Variants in TAF3 observed in about 807,000 individuals in gnomAD.
TAF3 encodes transcription initiation factor TFIID subunit 3.
In TAF3, 7 loss-of-function variants were observed where a neutral mutation model predicts 80.6. That is an observed-to-expected ratio of 0.09 (90% CI 0.05 to 0.16). The LOEUF (loss-of-function observed/expected upper bound fraction) is 0.16, where lower values mean the gene tolerates loss of function less well. Ranked by LOEUF, TAF3 falls within the 10% of genes least tolerant of loss-of-function variation. The pLI is 1.00. For missense variants in TAF3, 921 were observed against 1,140.2 expected, an observed-to-expected ratio of 0.81 and a Z score of 2.77; for synonymous variants, 444 against 446.1, an observed-to-expected ratio of 1.00 and a Z score of 0.06.
intron 4 of TAF3, among the ~76,000 whole-genome samples, chr10:7,980,031 C>T (rs893556786): frequency 1.4e-4 from 22 of 152,228 alleles, no homozygotes; most frequent in African/African-American, 5.3e-4. Flanking sequence ...TGATACATGG[C>T]TTAGTCCATG....
intron 4 of TAF3, among the ~76,000 whole-genome samples, chr10:7,982,447 G>A (rs927535069): frequency 1.3e-5 from 2 of 151,928 alleles, no homozygotes; most frequent in African/African-American, 2.4e-5. Flanking sequence ...TGCCCAGGCC[G>A]GAGTGCAGTG....
intron 4 of TAF3, among the ~76,000 whole-genome samples, chr10:7,992,361 T>C (rs577995984): frequency 6.6e-6 from 1 of 152,352 alleles, no homozygotes; most frequent in South Asian, 2.1e-4. Context: ...TGTAACCATG[T>C]CAAAGGTAGT....
intron 2 of TAF3, among the ~76,000 whole-genome samples, chr10:7,832,608 A>G (rs1375541800): frequency 6.6e-6 from 1 of 152,072 alleles, no homozygotes; most frequent in Non-Finnish European, 1.5e-5. Context: ...CAGTGGTGTG[A>G]TCTCAGCTCA....
chr10:7,956,873 G>T (rs1167626790), intron 2 of TAF3, among the ~76,000 whole-genome samples: 1 of 152,140 alleles, frequency 6.6e-6, no homozygotes, highest in Admixed American at 6.5e-5. Flanking sequence ...ATGAATTTTA[G>T]TTAAGATTTT....
intron 4 of TAF3, among the ~76,000 whole-genome samples, chr10:7,998,250 TA>T (rs1213214404): frequency 9.5e-5 from 10 of 104,804 alleles, no homozygotes; most frequent in African/African-American, 3.2e-4. Flanking sequence ...ACTATATATA[TA>T]TATATATATA....
chr10:7,854,294 TAG>T (rs1330565714), intron 2 of TAF3, among the ~76,000 whole-genome samples: 1 of 152,232 alleles, frequency 6.6e-6, no homozygotes, highest in Non-Finnish European at 1.5e-5. Flanking sequence ...TATTTTAAGT[TAG>T]TTGTTGACTT....
intron 4 of TAF3, among the ~76,000 whole-genome samples, chr10:7,996,874 T>C (rs1403724558): frequency 1.3e-5 from 2 of 151,490 alleles, no homozygotes; most frequent in African/African-American, 4.9e-5. Flanking sequence ...TTTGTATTTT[T>C]GTAGAGACGA....
At chr10:7,886,247 G>T (rs989068577) in intron 2 of TAF3, among the ~76,000 whole-genome samples, 19 of 152,216 alleles carry the variant, frequency 1.2e-4, no homozygotes, top group African/African-American at 4.1e-4. Flanking sequence ...ACTTTGAGAT[G>T]AGTCAGCCAC....
Position 7,824,575 on chromosome 10 carries a change from C to A in TAF3, c.409+15C>A. ...TTCTCAAGAAGGTTTGTGAGTGTTT[C>A]TTCTTCATATGTTAGTGATTATTTT... On this transcript the variant is annotated intron_variant, in intron 2 of 6. Transcript: ENST00000344293. 6.2e-7 allele frequency: 1 copy of A among 1,611,974 alleles called. No homozygotes were observed. The highest frequency in any genetic ancestry group is 8.5e-7 in the Non-Finnish European group (1 of 1,178,424).
rs74694365 is a variant in TAF3 at position 7,825,056 on chromosome 10, A to G, written c.409+496A>G. Among the ~76,000 whole-genome samples the G allele has an allele frequency of 0.017, 2,588 of 152,298 alleles. 154 individuals are homozygous for G. In the East Asian group the frequency reaches 0.22, roughly 13 times the overall value. On this transcript the variant is annotated intron_variant, in intron 2 of 6. Coordinates refer to ENST00000344293, the MANE Select transcript of TAF3 (RefSeq NM_031923.4). ...AATGTTTATTGTTTGATCATATAGAACTTTTGATTATAAAATGATAGCTAA... is the reference window on the plus strand; with the variant it reads ...AATGTTTATTGTTTGATCATATAGAGCTTTTGATTATAAAATGATAGCTAA...
At chr10:7,926,708 A>G (rs1837818039) in intron 2 of TAF3, among the ~76,000 whole-genome samples, 1 of 152,182 alleles carries the variant, frequency 6.6e-6, no homozygotes, top group Non-Finnish European at 1.5e-5. Context: ...TGGTTACTTC[A>G]GTAATTCTTT....
At chr10:7,890,086 A>C (rs1316050041) in intron 2 of TAF3, among the ~76,000 whole-genome samples, 1 of 152,232 alleles carries the variant, frequency 6.6e-6, no homozygotes, top group Admixed American at 6.5e-5. Context: ...ATGGCAGGTA[A>C]GACCTTTCAT....
At position 7,846,218 on chromosome 10, in the gene TAF3, A is replaced by G. The variant is rs1028254502; in HGVS notation, c.409+21658A>G. Among the ~76,000 whole-genome samples the G allele has an allele frequency of 3.3e-5, 5 of 152,152 alleles. 1 individual carries two copies. Among genetic ancestry groups the G allele is most frequent in the African/African-American group, 1.2e-4 (5 of 41,448 alleles). Reference sequence around the variant, plus strand: ...GTGATCTGCCCGCCTTGGCCTCCCGAAGTGCTGGCATTACAGGCATGAGCC... The same window carrying G: ...GTGATCTGCCCGCCTTGGCCTCCCGGAGTGCTGGCATTACAGGCATGAGCC... On this transcript the variant is annotated intron_variant, in intron 2 of 6. Transcript: ENST00000344293.
chr10:7,886,453 C>A (rs1382185670), intron 2 of TAF3, among the ~76,000 whole-genome samples: 1 of 151,926 alleles, frequency 6.6e-6, no homozygotes, highest in Non-Finnish European at 1.5e-5. Context: ...CTATTTTTTT[C>A]TTTACACAAA....
At chr10:7,954,306 A>G (rs1838113395) in intron 2 of TAF3, among the ~76,000 whole-genome samples, 1 of 139,282 alleles carries the variant, frequency 7.2e-6, no homozygotes, top group African/African-American at 2.6e-5. Flanking sequence ...AGTGAGATTC[A>G]GAGTGCACTC....
chr10:7,863,608 TAAAAAAAAAA>T (rs1230925353), intron 2 of TAF3, among the ~76,000 whole-genome samples: 3 of 20,448 alleles, frequency 1.5e-4, no homozygotes, highest in African/African-American at 4.4e-4. Flanking sequence ...AAACTCTGTC[TAAAAAAAAAA>T]AAAAAAAAAT....
Position 8,009,245 on chromosome 10 carries a change from T to C in TAF3, c.2483T>C (p.Leu828Pro). 1.3e-6 allele frequency: 2 copies of C among 1,517,292 alleles called. No individual in the cohort carries two copies. Among genetic ancestry groups the C allele is most frequent in the Non-Finnish European group, 1.8e-6 (2 of 1,134,366 alleles). The allele number at this position is 1,517,292 out of a possible 1,614,324, so 94.0% of individuals were successfully genotyped here. The change falls in exon 5 of 7, where the codon CTG becomes CCG. Residue 828 changes from leucine to proline, a missense_variant. Coordinates refer to ENST00000344293, the MANE Select transcript of TAF3 (RefSeq NM_031923.4). This position sits in a 1 kb window ranked among gnomAD's most constrained non-coding sequence, Gnocchi z 4.1. ...LAQAAAGPALLPSPGPAASGA... is the reference protein window; with the variant it reads ...LAQAAAGPALPPSPGPAASGA... ...CAGGCCGCCGCGGGCCCTGCCCTGC[T>C]GCCCTCCCCGGGTCCCGCCGCCTCC... is the stretch of plus-strand genomic sequence containing the variant.
At chr10:7,826,076 T>C (rs1836737839) in intron 2 of TAF3, among the ~76,000 whole-genome samples, 1 of 152,204 alleles carries the variant, frequency 6.6e-6, no homozygotes, top group African/African-American at 2.4e-5. Flanking sequence ...AAATTTGGCA[T>C]AAGTTGTTGT....
In TAF3 at chr10:7,818,565, G is replaced by C; in HGVS notation, c.-145G>C. 1.2e-6 allele frequency: 1 copy of C among 829,058 alleles called. No individual in the cohort carries two copies. Among genetic ancestry groups the C allele is most frequent in the Non-Finnish European group, 1.7e-6 (1 of 574,142 alleles). The allele number at this position is 829,058 out of a possible 1,614,324, so 51.4% of individuals were successfully genotyped here. A position where few individuals can be genotyped will look rare whatever the true frequency, so the allele number is the denominator to read the frequency against. Reference sequence around the variant, plus strand: ...CAGGCTGGCGCGCTCCGTGCTGCTGGGGCTTTGAGGTGGTCGCCGGGGGTC... The same window carrying C: ...CAGGCTGGCGCGCTCCGTGCTGCTGCGGCTTTGAGGTGGTCGCCGGGGGTC... On this transcript the variant is annotated 5_prime_UTR_variant, in exon 1 of 7. Coordinates refer to ENST00000344293, the MANE Select transcript of TAF3 (RefSeq NM_031923.4).
Sources: gnomAD v4.1 joint callset for allele counts (sites outside exome capture counted in the v4.1 genomes callset) on GRCh38, gnomAD v4.1.1 for gene constraint, Gnocchi (gnomAD v3.1) non-coding constraint, MANE v1.5 for transcripts, NCBI Gene and HGNC (gene_info 2026-07-23, HGNC 2026-07-21) for gene names.